The following BBX variants were observed in gnomAD, a reference collection of about 807,000 sequenced individuals.
BBX encodes HMG box transcription factor BBX.
BBX carries 30 observed loss-of-function variants against 100.2 expected under a neutral mutation model. That is an observed-to-expected ratio of 0.30 (90% confidence interval 0.22 to 0.41). BBX has a LOEUF of 0.41. Ranked by LOEUF, BBX falls within the 10% of genes least tolerant of loss-of-function variation. The probability of loss-of-function intolerance (pLI) is 1.00; values close to 1 mark genes in which losing one functional copy is unlikely to be tolerated. For missense variants in BBX, 1,023 were observed against 1,129.8 expected (o/e 0.91, Z 1.35); for synonymous variants, 376 against 388.1 (o/e 0.97, Z 0.37).
chr3:107,601,056 A>G (rs930396699), intron 2 of BBX, among the ~76,000 whole-genome samples: 5 of 152,140 alleles, frequency 3.3e-5, no homozygotes, highest in African/African-American at 1.2e-4. Context: ...TTATTATCAT[A>G]TCTGCTATGG....
chr3:107,665,737 G>C (rs2058706587), intron 3 of BBX, among the ~76,000 whole-genome samples: 1 of 152,156 alleles, frequency 6.6e-6, no homozygotes, highest in Non-Finnish European at 1.5e-5. Flanking sequence ...CAACCCGACA[G>C]CCATGCCCAG....
At chr3:107,593,862 G>T (rs1235259687) in intron 2 of BBX, among the ~76,000 whole-genome samples, 2 of 152,154 alleles carry the variant, frequency 1.3e-5, no homozygotes, top group Admixed American at 6.6e-5. Flanking sequence ...TGGATTAAAA[G>T]CCCAAAACAC....
At position 107,628,399 on chromosome 3, in the gene BBX, A is replaced by G. The variant is rs115876709; in HGVS notation, c.-83-17437A>G. On this transcript the variant is annotated intron_variant, in intron 2 of 17. Coordinates refer to ENST00000325805, the MANE Select transcript of BBX (RefSeq NM_001142568.3). ...TTTTATTGAAATGAAAAAAAAACAT[A>G]TTACCCAATTTTTAAAATAAAATAT... is the stretch of plus-strand genomic sequence containing the variant. 5.5e-3 allele frequency among the ~76,000 whole-genome samples: 833 copies of G among 152,152 alleles called. 7 individuals are homozygous for G. Among genetic ancestry groups the G allele is most frequent in the African/African-American group, 0.019 (800 of 41,558 alleles).
chr3:107,630,414 C>T (rs559502546), intron 2 of BBX, among the ~76,000 whole-genome samples: 5 of 151,926 alleles, frequency 3.3e-5, no homozygotes, highest in South Asian at 2.1e-4. Context: ...TTGCACGATG[C>T]GAGGGGGGAA....
intron 2 of BBX, among the ~76,000 whole-genome samples, chr3:107,597,653 A>G (rs934250848): frequency 6.6e-6 from 1 of 152,158 alleles, no homozygotes; most frequent in Non-Finnish European, 1.5e-5. Context: ...ATGATTTATC[A>G]TGTAAAATTA....
At chr3:107,523,705 A>G (rs2047534902) in intron 1 of BBX, 1 of 152,332 alleles carries the variant, frequency 6.6e-6, no homozygotes, top group Non-Finnish European at 1.5e-5. Flanking sequence ...CCTGGGGAGC[A>G]GGGGCAGTGG....
intron 2 of BBX, among the ~76,000 whole-genome samples, chr3:107,536,844 GGC>G (rs1559785903): frequency 6.6e-6 from 1 of 152,050 alleles, no homozygotes; most frequent in East Asian, 1.9e-4. Context: ...GGCTGGAAAA[GGC>G]TAGTCAATGT....
intron 2 of BBX, among the ~76,000 whole-genome samples, chr3:107,645,092 A>G (rs1469280180): frequency 6.6e-6 from 1 of 152,196 alleles, no homozygotes. Context: ...TGCTTCTTTT[A>G]GTTGAGTGTG....
intron 2 of BBX, chr3:107,638,648 A>T (rs1237243124): frequency 1.3e-5 from 2 of 151,764 alleles, no homozygotes; most frequent in Non-Finnish European, 2.9e-5. Flanking sequence ...GACCAGGCAC[A>T]CTGGCTAATG....
intron 3 of BBX, among the ~76,000 whole-genome samples, chr3:107,663,819 T>C (rs935428701): frequency 1.3e-5 from 2 of 151,646 alleles, no homozygotes; most frequent in African/African-American, 2.4e-5. Context: ...TCCTTTTTTT[T>C]TTTTGAGATG....
chr3:107,783,305 G>A (rs1190770714), intron 13 of BBX, among the ~76,000 whole-genome samples: 1 of 151,866 alleles, frequency 6.6e-6, no homozygotes, highest in Admixed American at 6.6e-5. Flanking sequence ...AATTTGGGGG[G>A]TGGCCAGAAG....
rs1378804977 is a variant in BBX at position 107,530,648 on chromosome 3, AC to A, written c.-84+4252del. On this transcript the variant is annotated intron_variant, in intron 2 of 17. Transcript: ENST00000325805. The stretch of plus-strand genomic sequence containing the variant: ...GGAATAATTAAATAAAAGGCCAATA[AC>A]CTACTTTAGAGGAGAAATAAGAATG... Among the ~76,000 whole-genome samples, 3 of 152,200 alleles carry A rather than the reference AC, an allele frequency of 2.0e-5. No homozygotes were observed. In the East Asian group the frequency reaches 5.8e-4, roughly 29 times the overall value.
At chr3:107,714,985 C>A (rs2062001172) in intron 4 of BBX, among the ~76,000 whole-genome samples, 1 of 152,028 alleles carries the variant, frequency 6.6e-6, no homozygotes, top group African/African-American at 2.4e-5. Context: ...AGGGCTTCAC[C>A]ATGTTCACCA....
chr3:107,774,107 A>G (rs1438390220), intron 11 of BBX, among the ~76,000 whole-genome samples: 1 of 152,226 alleles, frequency 6.6e-6, no homozygotes, highest in Non-Finnish European at 1.5e-5. Context: ...TTACACCTGT[A>G]GTCCCAGCGC....
chr3:107,568,529 G>A (rs920955021), intron 2 of BBX, among the ~76,000 whole-genome samples: 1 of 152,050 alleles, frequency 6.6e-6, no homozygotes, highest in African/African-American at 2.4e-5. Context: ...AAAGTGCTGG[G>A]ATTACAGGCA....
chr3:107,709,049 G>A (rs1576444954), intron 3 of BBX, among the ~76,000 whole-genome samples: 1 of 152,126 alleles, frequency 6.6e-6, no homozygotes, highest in East Asian at 1.9e-4. Context: ...TCATATACAT[G>A]TGATAATTTA....
intron 3 of BBX, among the ~76,000 whole-genome samples, chr3:107,692,115 T>C (rs2060210442): frequency 6.6e-6 from 1 of 151,954 alleles, no homozygotes; most frequent in South Asian, 2.1e-4. Flanking sequence ...TGCATTGTTT[T>C]TTAAAATTAT....
rs901471080 is a variant in BBX, at chr3:107,809,960, T to C, written c.*4503T>C. 6.6e-6 allele frequency: 1 copy of C among 152,218 alleles called. No homozygotes were observed. The highest frequency in any genetic ancestry group is 2.4e-5 in the African/African-American group (1 of 41,462). 9.4% of individuals were successfully genotyped at this position (152,218 alleles called of 1,614,324 possible). ...AAAAGAAGCTGTTGTTCAGTTCATC[T>C]TACCAGATGTGTCTGGCGAAGTATT... On this transcript the variant is annotated 3_prime_UTR_variant, in exon 18 of 18. Coordinates refer to ENST00000325805, the MANE Select transcript of BBX (RefSeq NM_001142568.3).
chr3:107,566,276 T>C (rs1251555076), intron 2 of BBX, among the ~76,000 whole-genome samples: 1 of 152,018 alleles, frequency 6.6e-6, no homozygotes, highest in African/African-American at 2.4e-5. Context: ...TGATAAATTT[T>C]CTGATGTTAA....
Sources: gnomAD v4.1 joint callset for allele counts (sites outside exome capture counted in the v4.1 genomes callset) on GRCh38, gnomAD v4.1.1 for gene constraint, MANE v1.5 for transcripts, NCBI Gene and HGNC (gene_info 2026-07-23, HGNC 2026-07-21) for gene names.